KLRG1: variants seen among roughly 807,000 people sequenced by gnomAD.
KLRG1 encodes killer cell lectin-like receptor subfamily G member 1.
A neutral mutation model predicts 21.8 loss-of-function variants in KLRG1; 16 were observed. The observed-to-expected ratio is 0.73, with a 90% confidence interval of 0.50 to 1.11. The LOEUF is 1.11. KLRG1 is among the 50% of genes most tolerant of loss of function. The pLI, the probability that KLRG1 is intolerant of heterozygous loss-of-function variation, is 0.00. For missense variants in KLRG1, 173 were observed against 218.3 expected, an observed-to-expected ratio of 0.79 and a Z score of 1.31; for synonymous variants, 69 against 75.9, an observed-to-expected ratio of 0.91 and a Z score of 0.47.
chr12:9,168,430 C>G, the KLRG1 span: 1 of 156,458 alleles, frequency 6.4e-6, no homozygotes, highest in Admixed American at 6.4e-5. Flanking sequence ...TTGAAAAAGG[C>G]TGCTGTATTT....
At chr12:8,994,914 T>C (rs375154254) in intron 2 of KLRG1, among the ~76,000 whole-genome samples, 1 of 152,216 alleles carries the variant, frequency 6.6e-6, no homozygotes, top group East Asian at 1.9e-4. Flanking sequence ...AATATATACT[T>C]AGTAGATGAT....
In KLRG1 at chr12:9,009,797, C is replaced by T; in HGVS notation, c.*260C>T. On this transcript the variant is annotated 3_prime_UTR_variant, in exon 5 of 5. Coordinates refer to ENST00000356986, the MANE Select transcript of KLRG1 (RefSeq NM_005810.4). ...AAATAGATGTTTGTTTTTTGTATTT[C>T]TCAGTATGGAAACTAATGCTGCCAC... 7.1e-7 allele frequency: 1 copy of T among 1,417,464 alleles called. No individual in the cohort carries two copies. The highest frequency in any genetic ancestry group is 9.2e-7 in the Non-Finnish European group (1 of 1,092,262). The allele number at this position is 1,417,464 out of a possible 1,614,324, so 87.8% of individuals were successfully genotyped here. A position where few individuals can be genotyped will look rare whatever the true frequency, so the allele number is the denominator to read the frequency against.
At chr12:9,169,697 G>A in the KLRG1 span, 44 of 1,051,392 alleles carry the variant, frequency 4.2e-5, no homozygotes, top group South Asian at 5.0e-4. Flanking sequence ...TCTTGAGTAC[G>A]TTCATGTAGT....
At chr12:9,180,205 A>C in the KLRG1 span, among the ~76,000 whole-genome samples, 4,293 of 152,286 alleles carry the variant, frequency 0.028, 185 homozygotes, top group African/African-American at 0.094. Flanking sequence ...ACATATGTAT[A>C]CATGTGCCAT....
At chr12:9,186,028 G>A in the KLRG1 span, among the ~76,000 whole-genome samples, 63 of 151,780 alleles carry the variant, frequency 4.2e-4, no homozygotes, top group Middle Eastern at 3.2e-3. Context: ...GGATGGTCTC[G>A]ATCTCCTGAC....
the KLRG1 span, among the ~76,000 whole-genome samples, chr12:9,059,484 C>A: frequency 6.6e-6 from 1 of 152,094 alleles, no homozygotes. Flanking sequence ...CACCTAGCAC[C>A]TATTTACCAT....
chr12:9,073,525 T>C, the KLRG1 span, among the ~76,000 whole-genome samples: 4 of 152,224 alleles, frequency 2.6e-5, no homozygotes, highest in African/African-American at 9.6e-5. Flanking sequence ...TTCTAATAAA[T>C]GAATGATAAC....
the KLRG1 span, among the ~76,000 whole-genome samples, chr12:9,173,299 C>A: frequency 6.6e-6 from 1 of 152,220 alleles, no homozygotes; most frequent in South Asian, 2.1e-4. Context: ...CAATGTACTG[C>A]AATCTCTGGG....
the KLRG1 span, chr12:9,112,512 C>T: frequency 1.9e-6 from 3 of 1,613,624 alleles, no homozygotes; most frequent in Non-Finnish European, 2.5e-6. Flanking sequence ...AACATTACCT[C>T]CTCATTGGAT....
At chr12:9,068,928 G>T in the KLRG1 span, 1 of 957,238 alleles carries the variant, frequency 1.0e-6, no homozygotes, top group Non-Finnish European at 1.5e-6. Flanking sequence ...GTTTTTTGGG[G>T]GAAAAGCTTT....
intron 3 of KLRG1, among the ~76,000 whole-genome samples, chr12:9,002,293 G>A (rs1426948640): frequency 6.6e-6 from 1 of 152,038 alleles, no homozygotes; most frequent in Admixed American, 6.6e-5. Context: ...TATGCTTTGT[G>A]CCTTAATGAT....
chr12:9,184,730 G>T, the KLRG1 span, among the ~76,000 whole-genome samples: 4 of 152,166 alleles, frequency 2.6e-5, no homozygotes, highest in Non-Finnish European at 5.9e-5. Flanking sequence ...TTAACCTCAA[G>T]GAGCCAGAGA....
At chr12:9,005,703 C>T (rs926277564) in intron 3 of KLRG1, among the ~76,000 whole-genome samples, 2 of 152,196 alleles carry the variant, frequency 1.3e-5, no homozygotes, top group South Asian at 2.1e-4. Context: ...GCACCAGTTT[C>T]GTGGAAGACA....
At chr12:9,049,039 A>AGT in the KLRG1 span, among the ~76,000 whole-genome samples, 2 of 152,216 alleles carry the variant, frequency 1.3e-5, no homozygotes, top group African/African-American at 4.8e-5. Context: ...CAATTAAGAG[A>AGT]CAGAAGTTTA....
the KLRG1 span, among the ~76,000 whole-genome samples, chr12:9,168,075 A>G: frequency 1.3e-5 from 2 of 152,246 alleles, no homozygotes; most frequent in Non-Finnish European, 2.9e-5. Context: ...CAAGGAACAT[A>G]GAAAATGCTA....
At chr12:9,075,647 T>C in the KLRG1 span, among the ~76,000 whole-genome samples, 1 of 152,234 alleles carries the variant, frequency 6.6e-6, no homozygotes, top group Non-Finnish European at 1.5e-5. Flanking sequence ...AATGTTTCTC[T>C]TGTTTCTTGA....
At chr12:9,045,927 C>T in the KLRG1 span, among the ~76,000 whole-genome samples, 1 of 152,162 alleles carries the variant, frequency 6.6e-6, no homozygotes. Flanking sequence ...AGCAAACTAA[C>T]ACAGGAACAC....
the KLRG1 span, chr12:9,099,499 A>G: frequency 6.2e-7 from 1 of 1,610,104 alleles, no homozygotes; most frequent in Non-Finnish European, 8.5e-7. Flanking sequence ...CTTCACAGGG[A>G]TTGAGATGGA....
At chr12:8,965,427 C>T (rs1437422811) in intron 1 of KLRG1, among the ~76,000 whole-genome samples, 3 of 151,232 alleles carry the variant, frequency 2.0e-5, no homozygotes, top group East Asian at 1.9e-4. Flanking sequence ...TGATTGTATA[C>T]CTAGAAAACC....
Sources: allele counts gnomAD v4.1 joint callset (sites outside exome capture counted in the v4.1 genomes callset), GRCh38; gene constraint gnomAD v4.1.1; transcripts MANE v1.5; gene names NCBI Gene and HGNC (gene_info 2026-07-23, HGNC 2026-07-21).